TSHZ2: variants seen among roughly 807,000 people sequenced by gnomAD.
TSHZ2 encodes teashirt zinc finger homeobox 2, also known as teashirt homolog 2.
A neutral mutation model predicts 74.4 loss-of-function variants in TSHZ2; 21 were observed. That is an observed-to-expected ratio of 0.28 (90% CI 0.20 to 0.41). TSHZ2 has a LOEUF of 0.41. Among genes scored for constraint, TSHZ2 ranks in the 10% least tolerant of loss-of-function variants. The pLI is 1.00. For missense variants in TSHZ2, 1,244 were observed against 1,293.5 expected (o/e 0.96, Z 0.59); for synonymous variants, 540 against 515.3 (o/e 1.05, Z -0.65).
intron 2 of TSHZ2, among the ~76,000 whole-genome samples, chr20:53,265,757 T>C (rs1189446336): frequency 6.6e-6 from 1 of 152,226 alleles, no homozygotes; most frequent in Non-Finnish European, 1.5e-5. Flanking sequence ...AGGTTTTACA[T>C]ACACATAAGT....
chr20:53,118,509 T>C (rs1986729004), intron 1 of TSHZ2, among the ~76,000 whole-genome samples: 1 of 151,840 alleles, frequency 6.6e-6, no homozygotes, highest in Non-Finnish European at 1.5e-5. Context: ...TCAGGGAAAA[T>C]CTGATCTTGG....
At chr20:53,349,847 A>T (rs1319068867) in intron 2 of TSHZ2, among the ~76,000 whole-genome samples, 2 of 152,228 alleles carry the variant, frequency 1.3e-5, no homozygotes, top group Non-Finnish European at 1.5e-5. Context: ...CAAATTCATT[A>T]TCTTTCAGTT....
chr20:53,133,598 A>T (rs1987164245), intron 1 of TSHZ2, among the ~76,000 whole-genome samples: 1 of 152,246 alleles, frequency 6.6e-6, no homozygotes, highest in African/African-American at 2.4e-5. Context: ...TTCTGCTTAA[A>T]AATACATATA....
chr20:53,060,635 C>G (rs375380374), intron 1 of TSHZ2, among the ~76,000 whole-genome samples: 15 of 152,336 alleles, frequency 9.8e-5, no homozygotes, highest in African/African-American at 3.4e-4. Context: ...AGCAATTTGT[C>G]TTCCATCTTC....
At chr20:53,259,892 A>T (rs889716977) in intron 2 of TSHZ2, among the ~76,000 whole-genome samples, 2 of 152,244 alleles carry the variant, frequency 1.3e-5, no homozygotes, top group Admixed American at 6.5e-5. Flanking sequence ...CAACCCTAAC[A>T]GCATAGATTA....
intron 1 of TSHZ2, among the ~76,000 whole-genome samples, chr20:53,042,407 T>C (rs762491551): frequency 3.3e-5 from 5 of 152,188 alleles, no homozygotes; most frequent in Non-Finnish European, 7.3e-5. Context: ...GAGAAATCAC[T>C]TCAGTGTGCT....
intron 1 of TSHZ2, among the ~76,000 whole-genome samples, chr20:52,976,334 T>C (rs1259858987): frequency 6.6e-6 from 1 of 152,234 alleles, no homozygotes; most frequent in East Asian, 1.9e-4. Flanking sequence ...TAAGCTATGC[T>C]ATTCCACCAT....
At chr20:53,288,968 C>G (rs750779529) in intron 2 of TSHZ2, among the ~76,000 whole-genome samples, 5 of 152,120 alleles carry the variant, frequency 3.3e-5, no homozygotes, top group Non-Finnish European at 5.9e-5. Context: ...CCTCACCACC[C>G]CCCACCCTTT....
chr20:52,994,995 G>T (rs1324670102), intron 1 of TSHZ2, among the ~76,000 whole-genome samples: 1 of 152,172 alleles, frequency 6.6e-6, no homozygotes, highest in Non-Finnish European at 1.5e-5. Context: ...GAGCTGTGAA[G>T]TAATTAGTTC....
chr20:53,241,752 G>T (rs1020338774), intron 1 of TSHZ2, among the ~76,000 whole-genome samples: 1 of 151,978 alleles, frequency 6.6e-6, no homozygotes, highest in Non-Finnish European at 1.5e-5. Context: ...GATCTTTGAG[G>T]CAGGTACTAT....
In TSHZ2 at chr20:53,233,831, T is replaced by C. The variant is rs541322143; in HGVS notation, c.41-19668T>C. Among the ~76,000 whole-genome samples the C allele has an allele frequency of 3.3e-5, 5 of 152,330 alleles. No individual in the cohort carries two copies. In the East Asian group the frequency reaches 7.7e-4, roughly 24 times the overall value. The stretch of plus-strand genomic sequence containing the variant: ...AGTATATGTCAGACTCCCTATATCC[T>C]GGAACCAAGGATTCCAGCCTCATAG... On this transcript the variant is annotated intron_variant, in intron 1 of 2. Coordinates refer to ENST00000371497, the MANE Select transcript of TSHZ2 (RefSeq NM_173485.6).
chr20:53,441,202 T>C (rs1984299103), intron 2 of TSHZ2, among the ~76,000 whole-genome samples: 1 of 148,684 alleles, frequency 6.7e-6, no homozygotes, highest in Non-Finnish European at 1.5e-5. Flanking sequence ...TTTTTTTCCA[T>C]TATAACCCTT....
intron 1 of TSHZ2, among the ~76,000 whole-genome samples, chr20:53,145,329 C>T (rs561052348): frequency 1.3e-5 from 2 of 152,200 alleles, no homozygotes; most frequent in Non-Finnish European, 2.9e-5. Context: ...GGCAGACCCA[C>T]TCTCTTTTCC....
chr20:53,185,331 T>C (rs1568800896), intron 1 of TSHZ2: 8 of 1,122,906 alleles, frequency 7.1e-6, no homozygotes, highest in Non-Finnish European at 8.8e-6. Flanking sequence ...TTGCAATACA[T>C]CTGAAAACAC....
chr20:53,081,926 T>TA (rs1298692210), intron 1 of TSHZ2, among the ~76,000 whole-genome samples: 4 of 151,750 alleles, frequency 2.6e-5, no homozygotes, highest in Non-Finnish European at 4.4e-5. Context: ...GACAGAGTCT[T>TA]ACTCTGTCGC....
At chr20:53,184,236 T>C (rs1041907786) in intron 1 of TSHZ2, among the ~76,000 whole-genome samples, 1 of 152,238 alleles carries the variant, frequency 6.6e-6, no homozygotes, top group Non-Finnish European at 1.5e-5. Context: ...TTTATGGAAT[T>C]TGAAATGATT....
chr20:53,224,397 T>C (rs1989633757), intron 1 of TSHZ2, among the ~76,000 whole-genome samples: 1 of 152,156 alleles, frequency 6.6e-6, no homozygotes, highest in Non-Finnish European at 1.5e-5. Flanking sequence ...ACACTAACTA[T>C]CTGGGTGGTT....
In TSHZ2 at chr20:53,096,487, T is replaced by C. The variant is rs376331677; in HGVS notation, c.40+123154T>C. On this transcript the variant is annotated intron_variant, in intron 1 of 2. Coordinates refer to ENST00000371497, the MANE Select transcript of TSHZ2 (RefSeq NM_173485.6). ...GGTGTGAGATTTCAGTGATTATAAA[T>C]GACAACTATTTAGCAAAGGGGCAGG... Among the ~76,000 whole-genome samples the C allele has an allele frequency of 5.6e-4, 86 of 152,268 alleles. No individual in the cohort carries two copies. The South Asian group carries it at 0.017, about 31-fold the overall frequency.
chr20:53,411,171 A>G (rs1983042409), intron 2 of TSHZ2, among the ~76,000 whole-genome samples: 2 of 152,132 alleles, frequency 1.3e-5, no homozygotes, highest in Non-Finnish European at 2.9e-5. Flanking sequence ...CAGAAGAGTG[A>G]GTGGAGGCTA....
Sources: allele counts gnomAD v4.1 joint callset (sites outside exome capture counted in the v4.1 genomes callset), GRCh38; gene constraint gnomAD v4.1.1; transcripts MANE v1.5; gene names NCBI Gene and HGNC (gene_info 2026-07-23, HGNC 2026-07-21).